MACROD2: variants seen among roughly 807,000 people sequenced by gnomAD.
MACROD2 encodes mono-ADP ribosylhydrolase 2.
A neutral mutation model predicts 70.4 loss-of-function variants in MACROD2; 36 were observed. That is an observed-to-expected ratio of 0.51 (90% confidence interval 0.39 to 0.68). MACROD2 has a LOEUF of 0.68. Among genes scored for constraint, MACROD2 ranks in the 30% least tolerant of loss-of-function variants. The pLI, the probability that MACROD2 is intolerant of heterozygous loss-of-function variation, is 0.00. For synonymous variants in MACROD2, 172 were observed against 178.8 expected (o/e 0.96, Z 0.30); for missense variants, 496 against 538.4 (o/e 0.92, Z 0.78).
At chr20:15,898,443 AAGGAGG>A (rs1302695526) in intron 10 of MACROD2, among the ~76,000 whole-genome samples, 1 of 150,546 alleles carries the variant, frequency 6.6e-6, no homozygotes, top group Non-Finnish European at 1.5e-5. Context: ...CCCAGTTACT[AAGGAGG>A]CTGAGGCATC....
At chr20:15,490,265 CTTT>C (rs2047215759) in intron 7 of MACROD2, among the ~76,000 whole-genome samples, 1 of 146,194 alleles carries the variant, frequency 6.8e-6, no homozygotes, top group African/African-American at 2.5e-5. Context: ...CCCTTCCCTT[CTTT>C]CTCTCTTTCT....
intron 8 of MACROD2, among the ~76,000 whole-genome samples, chr20:15,528,785 A>AAGC (rs2047756399): frequency 1.3e-5 from 2 of 151,932 alleles, no homozygotes; most frequent in South Asian, 4.1e-4. Flanking sequence ...GAAGAAGAAG[A>AAGC]AGCAAATGCC....
intron 3 of MACROD2, among the ~76,000 whole-genome samples, chr20:14,442,987 G>A (rs908999067): frequency 1.3e-5 from 2 of 151,796 alleles, no homozygotes; most frequent in Admixed American, 1.3e-4. Context: ...GCTGAGACGG[G>A]AGAATGGCGT....
intron 5 of MACROD2, among the ~76,000 whole-genome samples, chr20:14,790,425 C>G (rs1013316538): frequency 3.4e-4 from 51 of 152,118 alleles, no homozygotes; most frequent in African/African-American, 9.9e-4. Flanking sequence ...TTCAGAGGTA[C>G]TTCCATAAAA....
chr20:15,606,194 T>G (rs115910210), intron 8 of MACROD2, among the ~76,000 whole-genome samples: 1 of 152,282 alleles, frequency 6.6e-6, no homozygotes, highest in African/African-American at 2.4e-5. Context: ...TGATACTTTT[T>G]CTTGTCAATT....
chr20:15,898,959 T>A (rs577830196), intron 10 of MACROD2, among the ~76,000 whole-genome samples: 1 of 152,044 alleles, frequency 6.6e-6, no homozygotes, highest in East Asian at 1.9e-4. Flanking sequence ...TATATATGTA[T>A]ACACATACCT....
intron 2 of MACROD2, among the ~76,000 whole-genome samples, chr20:14,059,773 C>CAGAT (rs1401837155): frequency 1.3e-5 from 2 of 152,062 alleles, no homozygotes; most frequent in Non-Finnish European, 2.9e-5. Context: ...TTACGCAGAA[C>CAGAT]AGATAAATAG....
At chr20:15,637,769 C>A (rs1194821875) in intron 8 of MACROD2, among the ~76,000 whole-genome samples, 6 of 152,202 alleles carry the variant, frequency 3.9e-5, no homozygotes, top group African/African-American at 1.4e-4. Context: ...GGCAACCCCT[C>A]TTCCATGATT....
chr20:15,452,105 C>T (rs2046652336), intron 7 of MACROD2, among the ~76,000 whole-genome samples: 1 of 152,114 alleles, frequency 6.6e-6, no homozygotes, highest in South Asian at 2.1e-4. Context: ...GTGAGAAATC[C>T]AGCCCTTTCC....
intron 5 of MACROD2, among the ~76,000 whole-genome samples, chr20:15,213,402 A>C (rs2076780835): frequency 6.6e-6 from 1 of 152,128 alleles, no homozygotes; most frequent in South Asian, 2.1e-4. Flanking sequence ...TGCATTAATG[A>C]ACTCCATTAG....
intron 5 of MACROD2, among the ~76,000 whole-genome samples, chr20:15,132,328 A>T (rs2076112628): frequency 6.6e-6 from 1 of 152,048 alleles, no homozygotes; most frequent in Non-Finnish European, 1.5e-5. Flanking sequence ...GTAGAAAAAA[A>T]ATTAGTTGCA....
At chr20:14,973,891 G>C (rs1246122162) in intron 5 of MACROD2, among the ~76,000 whole-genome samples, 25 of 152,142 alleles carry the variant, frequency 1.6e-4, no homozygotes, top group Non-Finnish European at 2.6e-4. Flanking sequence ...ACTACCTTAT[G>C]AAAGGTAAAG....
At chr20:15,598,472 G>A (rs2048775095) in intron 8 of MACROD2, among the ~76,000 whole-genome samples, 1 of 152,158 alleles carries the variant, frequency 6.6e-6, no homozygotes, top group Non-Finnish European at 1.5e-5. Flanking sequence ...GCCCGACTGA[G>A]GTTATCCTGC....
At chr20:15,610,773 C>T (rs970241914) in intron 8 of MACROD2, among the ~76,000 whole-genome samples, 1 of 152,102 alleles carries the variant, frequency 6.6e-6, no homozygotes, top group Non-Finnish European at 1.5e-5. Flanking sequence ...ATCTCCTCAC[C>T]TCCACTGCAG....
chr20:16,048,797 T>A (rs1242458035), intron 17 of MACROD2, among the ~76,000 whole-genome samples: 1 of 151,182 alleles, frequency 6.6e-6, no homozygotes, highest in Non-Finnish European at 1.5e-5. Context: ...GCCCCACAAT[T>A]CTGTTCCCGA....
intron 8 of MACROD2, among the ~76,000 whole-genome samples, chr20:15,745,617 T>C (rs2051171429): frequency 6.6e-6 from 1 of 152,186 alleles, no homozygotes; most frequent in South Asian, 2.1e-4. Context: ...TTGAATTTAT[T>C]AATCTTTTTT....
intron 3 of MACROD2, among the ~76,000 whole-genome samples, chr20:14,158,745 T>C (rs866771486): frequency 2.6e-5 from 4 of 152,326 alleles, no homozygotes; most frequent in Admixed American, 6.5e-5. Flanking sequence ...TTTTGGATTA[T>C]CTATTTTGTT....
chr20:14,198,877 A>G (rs1249103922), intron 3 of MACROD2, among the ~76,000 whole-genome samples: 3 of 152,198 alleles, frequency 2.0e-5, no homozygotes, highest in African/African-American at 7.2e-5. Flanking sequence ...GCTGACCTCA[A>G]ATATAATTGC....
chr20:14,949,195 T>C (rs2074456562), intron 5 of MACROD2, among the ~76,000 whole-genome samples: 1 of 152,138 alleles, frequency 6.6e-6, no homozygotes, highest in Non-Finnish European at 1.5e-5. Flanking sequence ...TCAGAAAGAT[T>C]TTTTTTCTTT....
Sources: gnomAD v4.1 joint callset for allele counts (sites outside exome capture counted in the v4.1 genomes callset) on GRCh38, gnomAD v4.1.1 for gene constraint, MANE v1.5 for transcripts, NCBI Gene and HGNC (gene_info 2026-07-23, HGNC 2026-07-21) for gene names.